SYNJ2BP: variants seen among roughly 807,000 people sequenced by gnomAD.
SYNJ2BP encodes the protein synaptojanin 2 binding protein, also known as synaptojanin-2-binding protein.
A neutral mutation model predicts 16.9 loss-of-function variants in SYNJ2BP; 10 were observed. The ratio of observed to expected loss-of-function variants is 0.59; its 90% CI spans 0.36 to 1.00. The LOEUF is 1.00. Ranked by LOEUF, SYNJ2BP falls within the 50% of genes least tolerant of loss-of-function variation. SYNJ2BP has a pLI of 0.01. For synonymous variants in SYNJ2BP, 54 were observed against 68.4 expected (o/e 0.79, Z 1.04); for missense variants, 162 against 186.7 (o/e 0.87, Z 0.77).
At chr14:70,405,826 T>TA (rs1343199259) in intron 1 of SYNJ2BP, among the ~76,000 whole-genome samples, 3 of 152,152 alleles carry the variant, frequency 2.0e-5, no homozygotes, top group African/African-American at 7.2e-5. Context: ...TCTACAAAAA[T>TA]AAAAAGAGAA....
At chr14:70,413,785 G>A (rs1011800887) in intron 1 of SYNJ2BP, among the ~76,000 whole-genome samples, 3 of 152,202 alleles carry the variant, frequency 2.0e-5, no homozygotes, top group East Asian at 1.9e-4. Flanking sequence ...GAACAGGTTC[G>A]ACTGCCTTAT....
chr14:70,390,132 G>A (rs1188931824), intron 1 of SYNJ2BP, among the ~76,000 whole-genome samples: 1 of 152,050 alleles, frequency 6.6e-6, no homozygotes, highest in African/African-American at 2.4e-5. Flanking sequence ...ACTAAGTGCT[G>A]GAAAGGATTT....
In SYNJ2BP at chr14:70,370,400, T is replaced by C. The variant is rs1237837379; in HGVS notation, c.*2591A>G. ...TGGCTGGTTGGAGTGACAACTAGAA[T>C]GTTGTCCGTGTTTTTCTGTGGAACC... On this transcript the variant is annotated 3_prime_UTR_variant, in exon 4 of 4. Transcript: ENST00000256366. 2.0e-5 allele frequency: 3 copies of C among 152,162 alleles called. No homozygotes were observed. Among genetic ancestry groups the C allele is most frequent in the East Asian group, 3.9e-4 (2 of 5,186 alleles). The allele number at this position is 152,162 out of a possible 1,614,324, so 9.4% of individuals were successfully genotyped here. A position where few individuals can be genotyped will look rare whatever the true frequency, so the allele number is the denominator to read the frequency against.
chr14:70,394,662 T>C (rs1413795086), intron 1 of SYNJ2BP, among the ~76,000 whole-genome samples: 1 of 152,024 alleles, frequency 6.6e-6, no homozygotes, highest in Non-Finnish European at 1.5e-5. Context: ...TAGAAGAACC[T>C]TGGAAAGTTA....
chr14:70,414,884 T>C (rs1272238121), intron 1 of SYNJ2BP, among the ~76,000 whole-genome samples: 1 of 152,230 alleles, frequency 6.6e-6, no homozygotes, highest in Non-Finnish European at 1.5e-5. Context: ...GATTGAAAAG[T>C]AACTTTCTAT....
intron 1 of SYNJ2BP, among the ~76,000 whole-genome samples, chr14:70,393,487 A>G (rs1888022720): frequency 6.6e-6 from 1 of 152,220 alleles, no homozygotes; most frequent in Non-Finnish European, 1.5e-5. Context: ...ATTCTACTAT[A>G]AACACACAGG....
At chr14:70,380,233 C>G (rs1887717128) in intron 2 of SYNJ2BP, among the ~76,000 whole-genome samples, 1 of 152,214 alleles carries the variant, frequency 6.6e-6, no homozygotes, top group Non-Finnish European at 1.5e-5. Context: ...CTTTAAAACA[C>G]TAATCTATAT....
At chr14:70,412,066 A>G (rs1221369377) in intron 1 of SYNJ2BP, among the ~76,000 whole-genome samples, 4 of 152,250 alleles carry the variant, frequency 2.6e-5, no homozygotes, top group Non-Finnish European at 5.9e-5. Context: ...TGACAGGTCT[A>G]CAAGGCTTAA....
At chr14:70,414,521 A>G (rs930043671) in intron 1 of SYNJ2BP, among the ~76,000 whole-genome samples, 3 of 152,242 alleles carry the variant, frequency 2.0e-5, no homozygotes, top group Admixed American at 6.5e-5. Context: ...AGATGAAGTG[A>G]TATTATACTG....
Position 70,369,268 on chromosome 14 carries a change from A to G in SYNJ2BP, c.*3723T>C, listed in dbSNP as rs1397357228. 1 of 152,002 alleles carries G rather than the reference A, an allele frequency of 6.6e-6. No homozygotes were observed. Among genetic ancestry groups the G allele is most frequent in the African/African-American group, 2.4e-5 (1 of 41,356 alleles). The allele number at this position is 152,002 out of a possible 1,614,324, so 9.4% of individuals were successfully genotyped here. On this transcript the variant is annotated 3_prime_UTR_variant, in exon 4 of 4. Coordinates refer to ENST00000256366, the MANE Select transcript of SYNJ2BP (RefSeq NM_018373.3). ...CAGGAATGCACCACTAATTTGTTTG[A>G]CTTTTAGTAAAGACAGGGTTTCACC... is the stretch of plus-strand genomic sequence containing the variant.
intron 1 of SYNJ2BP, among the ~76,000 whole-genome samples, chr14:70,414,615 G>C (rs1039251078): frequency 6.6e-6 from 1 of 152,120 alleles, no homozygotes; most frequent in African/African-American, 2.4e-5. Context: ...AAAATACTTT[G>C]GATGCCAGAG....
At chr14:70,384,018 C>T (rs181693019) in intron 2 of SYNJ2BP, among the ~76,000 whole-genome samples, 12 of 150,426 alleles carry the variant, frequency 8.0e-5, no homozygotes, top group Non-Finnish European at 1.5e-4. Flanking sequence ...AGTGCAGTGG[C>T]GCGATCTCGG....
rs1358324476 is a variant in SYNJ2BP, at chr14:70,417,070, C to T, written c.-107G>A. ...CACAGCACAGCGGTTTCGGTTTCAG[C>T]AGCCTCGAGACCCGGAAAAGGAAGC... On this transcript the variant is annotated 5_prime_UTR_variant, in exon 1 of 4. Transcript: ENST00000256366. 2.6e-6 allele frequency: 4 copies of T among 1,555,036 alleles called. No homozygotes were observed. Among genetic ancestry groups the T allele is most frequent in the Non-Finnish European group, 3.5e-6 (4 of 1,139,378 alleles).
chr14:70,416,514 C>G (rs893122974), intron 1 of SYNJ2BP, among the ~76,000 whole-genome samples: 2 of 151,872 alleles, frequency 1.3e-5, no homozygotes, highest in Non-Finnish European at 2.9e-5. Context: ...GAGTCCACAC[C>G]GTTTATGCTC....
intron 1 of SYNJ2BP, among the ~76,000 whole-genome samples, chr14:70,391,841 A>T (rs1396630251): frequency 2.0e-5 from 3 of 152,240 alleles, no homozygotes; most frequent in Admixed American, 6.5e-5. Context: ...ACCCGTTGCT[A>T]CTTCTGTTGT....
intron 1 of SYNJ2BP, among the ~76,000 whole-genome samples, chr14:70,391,707 T>G (rs1594950521): frequency 6.6e-6 from 1 of 152,192 alleles, no homozygotes; most frequent in African/African-American, 2.4e-5. Context: ...TGCTACTGGT[T>G]ATTCAAAGCT....
chr14:70,395,945 T>C (rs984703708), intron 1 of SYNJ2BP, among the ~76,000 whole-genome samples: 1 of 152,210 alleles, frequency 6.6e-6, no homozygotes, highest in Non-Finnish European at 1.5e-5. Context: ...TTCATTCACA[T>C]TGCAGCACAT....
chr14:70,380,555 G>A (rs982337858), intron 2 of SYNJ2BP, among the ~76,000 whole-genome samples: 8 of 151,720 alleles, frequency 5.3e-5, no homozygotes, highest in Admixed American at 1.3e-4. Context: ...CCAGCTACTC[G>A]GGAGGCTGAG....
chr14:70,375,713 T>C lies in SYNJ2BP; in HGVS notation c.260A>G (p.Asn87Ser). 1 of 1,614,118 alleles carries C rather than the reference T, an allele frequency of 6.2e-7. No homozygotes were observed. The highest frequency in any genetic ancestry group is 8.5e-7 in the Non-Finnish European group (1 of 1,179,996). The change falls in exon 3 of 4, where the codon AAT becomes AGT. Residue 87 changes from asparagine to serine, a missense_variant. Transcript: ENST00000256366. ...TCTCAGAGACACAGCATAGCCTGCA[T>C]TACGAAAGAGGTCTACAGCATCCTG... ...LHQDAVDLFR[N>S]AGYAVSLRVQ... is the part of the protein sequence containing the mutation.
Sources: allele counts gnomAD v4.1 joint callset (sites outside exome capture counted in the v4.1 genomes callset), GRCh38; gene constraint gnomAD v4.1.1; transcripts MANE v1.5; gene names NCBI Gene and HGNC (gene_info 2026-07-23, HGNC 2026-07-21).